HYDIN: variants seen among roughly 807,000 people sequenced by gnomAD.
HYDIN encodes the protein axonemal central pair apparatus protein HYDIN.
A neutral mutation model predicts 403.9 loss-of-function variants in HYDIN; 132 were observed. The observed-to-expected ratio is 0.33, with a 90% CI of 0.28 to 0.38. The LOEUF (loss-of-function observed/expected upper bound fraction) is 0.38. HYDIN is among the 10% of genes least tolerant of loss of function. The pLI is 1.00. For synonymous variants in HYDIN, 1,202 were observed against 1,891.7 expected, an observed-to-expected ratio of 0.64 and a Z score of 9.46; for missense variants, 2,827 against 5,009.5, an observed-to-expected ratio of 0.56 and a Z score of 13.15.
intron 84 of HYDIN, among the ~76,000 whole-genome samples, chr16:70,814,188 CT>C (rs2035686329): frequency 1.3e-5 from 2 of 152,120 alleles, no homozygotes; most frequent in Admixed American, 6.6e-5. Flanking sequence ...CACAGATCTA[CT>C]AGGTTAACAG....
At chr16:71,195,070 A>G (rs1394203909) in intron 1 of HYDIN, among the ~76,000 whole-genome samples, 2 of 152,184 alleles carry the variant, frequency 1.3e-5, no homozygotes, top group Non-Finnish European at 2.9e-5. Context: ...TAGGCCACAC[A>G]TTTACATGAA....
intron 83 of HYDIN, among the ~76,000 whole-genome samples, chr16:70,819,028 A>G (rs780944053): frequency 3.4e-5 from 5 of 145,828 alleles, no homozygotes; most frequent in Non-Finnish European, 5.9e-5. Flanking sequence ...ATTCTCCTGC[A>G]TCAGCCTCAC....
chr16:71,182,897 T>A (rs2086966460), intron 3 of HYDIN, among the ~76,000 whole-genome samples: 1 of 151,766 alleles, frequency 6.6e-6, no homozygotes, highest in South Asian at 2.1e-4. Flanking sequence ...TAAGCAAAAA[T>A]CAACCAGTGA....
At chr16:71,179,391 T>A (rs1031198931) in intron 3 of HYDIN, among the ~76,000 whole-genome samples, 5 of 149,624 alleles carry the variant, frequency 3.3e-5, no homozygotes, top group African/African-American at 1.2e-4. Flanking sequence ...CTGGGGAAAG[T>A]CCCTTCAAAA....
chr16:71,193,572 A>T (rs528609898), intron 1 of HYDIN, among the ~76,000 whole-genome samples: 1 of 152,170 alleles, frequency 6.6e-6, no homozygotes, highest in Non-Finnish European at 1.5e-5. Context: ...TTAGGCACAA[A>T]ATTCCTTTTC....
At chr16:71,037,418 T>G (rs1478927093) in intron 18 of HYDIN, among the ~76,000 whole-genome samples, 1 of 151,920 alleles carries the variant, frequency 6.6e-6, no homozygotes, top group Non-Finnish European at 1.5e-5. Context: ...GAATTCTAAG[T>G]TGGCCCCCAG....
intron 42 of HYDIN, among the ~76,000 whole-genome samples, chr16:70,942,025 T>C (rs964679377): frequency 6.9e-6 from 1 of 144,928 alleles, no homozygotes; most frequent in African/African-American, 2.6e-5. Flanking sequence ...TTTTTTTTTT[T>C]TTTTTTTTTG....
At chr16:71,031,279 C>T (rs2080899638) in intron 19 of HYDIN, 1 of 160,554 alleles carries the variant, frequency 6.2e-6, no homozygotes, top group African/African-American at 2.5e-5. Flanking sequence ...TTTTTACCTT[C>T]CTAGGTATGT....
intron 45 of HYDIN, among the ~76,000 whole-genome samples, chr16:70,931,568 T>C (rs2077334378): frequency 6.6e-6 from 1 of 151,742 alleles, no homozygotes. Flanking sequence ...GGAACCTCTC[T>C]GCATATTAAC....
chr16:71,202,780 C>A (rs2088085824), intron 1 of HYDIN, among the ~76,000 whole-genome samples: 1 of 152,184 alleles, frequency 6.6e-6, no homozygotes, highest in Non-Finnish European at 1.5e-5. Flanking sequence ...CTGCTCCTAA[C>A]CCTTTTAAAC....
In HYDIN at chr16:70,806,306, G is replaced by A. The variant is rs1447680150; in HGVS notation, c.*1274C>T. Among the ~76,000 whole-genome samples the A allele has an allele frequency of 6.6e-6, 1 of 152,164 alleles. No individual in the cohort carries two copies. Among genetic ancestry groups the A allele is most frequent in the Non-Finnish European group, 1.5e-5 (1 of 68,024 alleles). On this transcript the variant is annotated 3_prime_UTR_variant, in exon 86 of 86. Coordinates refer to ENST00000393567, the MANE Select transcript of HYDIN (RefSeq NM_001270974.2). ...GGGCACCTTGGAATGTATCCCCTGAGGATGAGGGAGGACTATTGTAAAGGT... is the reference window on the plus strand; with the variant it reads ...GGGCACCTTGGAATGTATCCCCTGAAGATGAGGGAGGACTATTGTAAAGGT...
chr16:70,982,060 A>G (rs538713746), intron 28 of HYDIN, among the ~76,000 whole-genome samples: 485 of 150,286 alleles, frequency 3.2e-3, no homozygotes, highest in African/African-American at 0.011. Context: ...CCCGGGAGGC[A>G]GAGCTTGCAG....
chr16:70,899,241 C>T (rs930745942), intron 53 of HYDIN, among the ~76,000 whole-genome samples: 3 of 151,044 alleles, frequency 2.0e-5, no homozygotes, highest in African/African-American at 7.3e-5. Context: ...TGAATATGAC[C>T]TTATTTGGAA....
chr16:70,964,170 G>T (rs2078501560), intron 37 of HYDIN, among the ~76,000 whole-genome samples: 1 of 147,670 alleles, frequency 6.8e-6, no homozygotes, highest in African/African-American at 2.5e-5. Flanking sequence ...AATTCTGAGA[G>T]CACAGGACAG....
At chr16:70,866,506 T>C (rs2039761736) in intron 66 of HYDIN, among the ~76,000 whole-genome samples, 177 bp from the exon 67 acceptor site, 1 of 151,810 alleles carries the variant, frequency 6.6e-6, no homozygotes, top group Non-Finnish European at 1.5e-5. Context: ...GAAAAAGGGA[T>C]CTAGTAAGAT....
At chr16:70,835,446 GC>G in intron 78 of HYDIN, among the ~76,000 whole-genome samples, 1 of 152,288 alleles carries the variant, frequency 6.6e-6, no homozygotes, top group East Asian at 1.9e-4. Flanking sequence ...AAATGAAAAT[GC>G]AAAATGAAAA....
At chr16:70,860,247 G>A (rs765507510) in intron 70 of HYDIN, 41 bp from the exon 71 acceptor site, 1 of 1,590,588 alleles carries the variant, frequency 6.3e-7, no homozygotes, top group Non-Finnish European at 8.5e-7. Flanking sequence ...GAGTGGGACA[G>A]GGGATTGAGG....
chr16:71,219,909 G>C (rs531004221), intron 1 of HYDIN, among the ~76,000 whole-genome samples: 1 of 152,176 alleles, frequency 6.6e-6, no homozygotes, highest in African/African-American at 2.4e-5. Context: ...GAAAGAAAAA[G>C]TTTGCCCTCA....
At chr16:70,930,445 C>A (rs1290923489) in intron 45 of HYDIN, among the ~76,000 whole-genome samples, 1 of 151,918 alleles carries the variant, frequency 6.6e-6, no homozygotes, top group African/African-American at 2.4e-5. Context: ...TGCGCCACTG[C>A]ACTCCAGCCT....
Sources: allele counts gnomAD v4.1 joint callset (sites outside exome capture counted in the v4.1 genomes callset), GRCh38; gene constraint gnomAD v4.1.1; transcripts MANE v1.5; gene names NCBI Gene and HGNC (gene_info 2026-07-23, HGNC 2026-07-21).